SEZ6L: variants seen among roughly 807,000 people sequenced by gnomAD.
SEZ6L encodes seizure related 6 homolog like.
In SEZ6L, 37 loss-of-function variants were observed where a neutral mutation model predicts 106.2. The ratio of observed to expected loss-of-function variants is 0.35; its 90% confidence interval spans 0.27 to 0.46. The LOEUF is 0.46. Among genes scored for constraint, SEZ6L ranks in the 20% least tolerant of loss-of-function variants. The pLI, the probability that SEZ6L is intolerant of heterozygous loss-of-function variation, is 1.00. For missense variants in SEZ6L, 1,172 were observed against 1,332.8 expected (o/e 0.88, Z 1.88); for synonymous variants, 541 against 570.4 (o/e 0.95, Z 0.73).
At chr22:26,342,954 T>A (rs2082889828) in intron 10 of SEZ6L, among the ~76,000 whole-genome samples, 1 of 152,208 alleles carries the variant, frequency 6.6e-6, no homozygotes, top group African/African-American at 2.4e-5. Flanking sequence ...TTTTCATCCC[T>A]GCCTGCTACA....
chr22:26,228,977 T>A lies in SEZ6L; in HGVS notation c.94+59214T>A, dbSNP rs183381072. Among the ~76,000 whole-genome samples, 204 of 152,316 alleles carry A rather than the reference T, an allele frequency of 1.3e-3. 1 individual carries two copies. Among genetic ancestry groups the A allele is most frequent in the Non-Finnish European group, 2.0e-3 (134 of 68,020 alleles). ...TTGTAGTGGTGGTTTCATGGATGTA[T>A]GTATGTCAAATTGTATTAAACTGTA... is the stretch of plus-strand genomic sequence containing the variant. On this transcript the variant is annotated intron_variant, in intron 1 of 16. Transcript: ENST00000248933.
Position 26,310,775 on chromosome 22 carries a change from C to A in SEZ6L, c.1620C>A (p.Ile540=). 6.2e-7 allele frequency: 1 copy of A among 1,614,172 alleles called. No homozygotes were observed. The highest frequency in any genetic ancestry group is 8.5e-7 in the Non-Finnish European group (1 of 1,180,024). ...FEGLLSEGNT[I]RIEFTSDQAR... ...GCCTGCTGAGCGAAGGCAACACCATCCGCATCGAGTTCACGTCCGACCAGG... is the reference window on the plus strand; with the variant it reads ...GCCTGCTGAGCGAAGGCAACACCATACGCATCGAGTTCACGTCCGACCAGG... Residue 540 remains isoleucine (I), a synonymous_variant, in exon 7 of 17, where the codon ATC becomes ATA. Coordinates refer to ENST00000248933, the MANE Select transcript of SEZ6L (RefSeq NM_021115.5).
intron 1 of SEZ6L, among the ~76,000 whole-genome samples, chr22:26,192,436 T>C (rs1344230724): frequency 6.6e-6 from 1 of 152,214 alleles, no homozygotes; most frequent in Non-Finnish European, 1.5e-5. Context: ...ACTCTCTCAA[T>C]TTACATATAC....
intron 1 of SEZ6L, among the ~76,000 whole-genome samples, chr22:26,279,510 G>A (rs2080687721): frequency 6.6e-6 from 1 of 152,064 alleles, no homozygotes; most frequent in Non-Finnish European, 1.5e-5. Context: ...CCAGTTAGAG[G>A]AAGAACATGG....
Position 26,362,897 on chromosome 22 carries a change from G to A in SEZ6L, c.2600-2475G>A, listed in dbSNP as rs910725956. ...GATTCCTACCCGTCCACCCACTGGA[G>A]GAGATCAAAGTCCCGATTCTTCATG... On this transcript the variant is annotated intron_variant, in intron 12 of 16. Transcript: ENST00000248933. Among the ~76,000 whole-genome samples, 3 of 152,334 alleles carry A rather than the reference G, an allele frequency of 2.0e-5. No individual in the cohort carries two copies. The East Asian group carries it at 5.8e-4, about 29-fold the overall frequency.
Position 26,225,490 on chromosome 22 carries a change from G to A in SEZ6L, c.94+55727G>A, listed in dbSNP as rs1535146. On this transcript the variant is annotated intron_variant, in intron 1 of 16. Coordinates refer to ENST00000248933, the MANE Select transcript of SEZ6L (RefSeq NM_021115.5). ...CAAGGACAAGCTGAACACATAGAAG[G>A]GAAAACACAGTGGCCCTAGCCCAGC... 2.4e-3 allele frequency among the ~76,000 whole-genome samples: 358 copies of A among 152,264 alleles called. 2 individuals carry two copies. The highest frequency in any genetic ancestry group is 8.1e-3 in the African/African-American group (335 of 41,542).
At chr22:26,227,917 C>A (rs1960712629) in intron 1 of SEZ6L, among the ~76,000 whole-genome samples, 2 of 152,202 alleles carry the variant, frequency 1.3e-5, no homozygotes, top group Admixed American at 1.3e-4. Flanking sequence ...CAATGCCCAT[C>A]TGTAAAAACG....
chr22:26,284,674 C>A lies in SEZ6L; in HGVS notation c.95-7732C>A, dbSNP rs183778451. On this transcript the variant is annotated intron_variant, in intron 1 of 16. Transcript: ENST00000248933. ...AACAAGATTACAATTAACACTGATA[C>A]CCTGTAGAAAGCAGGATTGGTGAAC... Among the ~76,000 whole-genome samples the A allele has an allele frequency of 2.7e-3, 400 of 147,476 alleles. 2 individuals carry two copies. Among genetic ancestry groups the A allele is most frequent in the African/African-American group, 8.9e-3 (358 of 40,144 alleles).
intron 1 of SEZ6L, among the ~76,000 whole-genome samples, chr22:26,258,917 A>G (rs1168979289): frequency 6.6e-6 from 1 of 152,230 alleles, no homozygotes; most frequent in Non-Finnish European, 1.5e-5. Flanking sequence ...TAGAAAAATC[A>G]TCATGGAAGG....
Position 26,383,178 on chromosome 22 carries a change from T to G in SEZ6L, c.*2883T>G, listed in dbSNP as rs2084464549. 6.6e-6 allele frequency: 1 copy of G among 151,912 alleles called. No individual in the cohort carries two copies. Among genetic ancestry groups the G allele is most frequent in the South Asian group, 2.1e-4 (1 of 4,806 alleles). 9.4% of individuals were successfully genotyped at this position (151,912 alleles called of 1,614,324 possible). ...TAGATGTGCTTTAACTATGATCCTT[T>G]GAAGCTCACCCCTTGGAGAGCCTAC... On this transcript the variant is annotated 3_prime_UTR_variant, in exon 17 of 17. Coordinates refer to ENST00000248933, the MANE Select transcript of SEZ6L (RefSeq NM_021115.5).
intron 1 of SEZ6L, among the ~76,000 whole-genome samples, chr22:26,192,916 C>T (rs1416777742): frequency 6.6e-6 from 1 of 152,176 alleles, no homozygotes; most frequent in Admixed American, 6.5e-5. Context: ...GCCCTCCACC[C>T]CTTTAGGTAT....
chr22:26,207,910 ATTT>A (rs134772), intron 1 of SEZ6L, among the ~76,000 whole-genome samples: 2,659 of 138,472 alleles, frequency 0.019, 57 homozygotes, highest in African/African-American at 0.061. Context: ...ATTCATGTGT[ATTT>A]TTTTTTTTTT....
chr22:26,286,405 T>A (rs909971748), intron 1 of SEZ6L, among the ~76,000 whole-genome samples: 6 of 152,228 alleles, frequency 3.9e-5, no homozygotes, highest in Non-Finnish European at 7.3e-5. Flanking sequence ...ATTATACGTA[T>A]TTTGGAAAAT....
Position 26,355,300 on chromosome 22 carries a change from A to G in SEZ6L, c.2599+4057A>G, listed in dbSNP as rs144705884. Among the ~76,000 whole-genome samples, 110 of 152,312 alleles carry G rather than the reference A, an allele frequency of 7.2e-4. 1 individual carries two copies. The highest frequency in any genetic ancestry group is 2.5e-3 in the African/African-American group (105 of 41,568). ...AACAGAAAGGAAGAACAGAATTCTAACTCAAGCCTGACTAAACCCAAAAGC... is the reference window on the plus strand; with the variant it reads ...AACAGAAAGGAAGAACAGAATTCTAGCTCAAGCCTGACTAAACCCAAAAGC... On this transcript the variant is annotated intron_variant, in intron 12 of 16. Coordinates refer to ENST00000248933, the MANE Select transcript of SEZ6L (RefSeq NM_021115.5).
At chr22:26,220,920 GAT>G (rs1346185674) in intron 1 of SEZ6L, among the ~76,000 whole-genome samples, 4 of 152,042 alleles carry the variant, frequency 2.6e-5, no homozygotes, top group Non-Finnish European at 5.9e-5. Flanking sequence ...TGGATGGATG[GAT>G]GGATGGGTGG....
At chr22:26,246,953 G>A (rs1046287003) in intron 1 of SEZ6L, among the ~76,000 whole-genome samples, 24 of 152,100 alleles carry the variant, frequency 1.6e-4, no homozygotes, top group African/African-American at 5.8e-4. Context: ...ATTCTTGAGA[G>A]GTCATTCTCA....
chr22:26,219,150 A>C (rs947638387), intron 1 of SEZ6L, among the ~76,000 whole-genome samples: 1 of 152,130 alleles, frequency 6.6e-6, no homozygotes, highest in Non-Finnish European at 1.5e-5. Context: ...CCACTAGCAA[A>C]GTAGAAATAG....
chr22:26,174,790 G>A (rs775198469), intron 1 of SEZ6L, among the ~76,000 whole-genome samples: 3 of 152,202 alleles, frequency 2.0e-5, no homozygotes, highest in Non-Finnish European at 2.9e-5. Context: ...GTGGACGCAC[G>A]AGATATAATT....
At chr22:26,348,586 G>GAAAGAAAGAGAA (rs1483427654) in intron 11 of SEZ6L, among the ~76,000 whole-genome samples, 1 of 57,870 alleles carries the variant, frequency 1.7e-5, no homozygotes, top group Non-Finnish European at 2.8e-5. Flanking sequence ...AAGAAAGAAA[G>GAAAGAAAGAGAA]AGAAAGAAAG....
Sources: gnomAD v4.1 joint callset for allele counts (sites outside exome capture counted in the v4.1 genomes callset) on GRCh38, gnomAD v4.1.1 for gene constraint, MANE v1.5 for transcripts, NCBI Gene and HGNC (gene_info 2026-07-23, HGNC 2026-07-21) for gene names.